FBXO43: variants seen among roughly 807,000 people sequenced by gnomAD.
The protein encoded by FBXO43 is F-box only protein 43.
In FBXO43, 22 loss-of-function variants were observed where a neutral mutation model predicts 56.7. That is an observed-to-expected ratio of 0.39 (90% CI 0.28 to 0.55). The LOEUF (loss-of-function observed/expected upper bound fraction) is 0.55, where lower values mean the gene tolerates loss of function less well. Ranked by LOEUF, FBXO43 falls within the 20% of genes least tolerant of loss-of-function variation. FBXO43 has a pLI of 0.66. For missense variants in FBXO43, 733 were observed against 814.9 expected (o/e 0.90, Z 1.22); for synonymous variants, 306 against 294.5 (o/e 1.04, Z -0.40).
intron 2 of FBXO43, among the ~76,000 whole-genome samples, chr8:100,138,230 C>T (rs1167156653): frequency 1.3e-5 from 2 of 152,118 alleles, no homozygotes; most frequent in Non-Finnish European, 2.9e-5. Flanking sequence ...CCAGTGATTG[C>T]TGATTTATCA....
At position 100,135,309 on chromosome 8, in the gene FBXO43, C is replaced by G. The variant is rs181609670; in HGVS notation, c.1675-945G>C. On this transcript the variant is annotated intron_variant, in intron 3 of 4. Coordinates refer to ENST00000428847, the MANE Select transcript of FBXO43 (RefSeq NM_001029860.4). ...GTAGTGAGAGGTTAGAGAACCTAAT[C>G]CTTCTATAGAAAATAGTAAAGAAAT... Among the ~76,000 whole-genome samples, 5 of 152,076 alleles carry G rather than the reference C, an allele frequency of 3.3e-5. No homozygotes were observed. The East Asian group carries it at 9.7e-4, about 29-fold the overall frequency.
intron 1 of FBXO43, 32 bp from the exon 2 acceptor site, chr8:100,142,200 T>C: frequency 6.6e-7 from 1 of 1,507,520 alleles, no homozygotes; most frequent in South Asian, 1.4e-5. Flanking sequence ...ATTCTGCCTT[T>C]GAAATGAGTA....
chr8:100,144,615 A>C (rs1814761115), intron 1 of FBXO43, among the ~76,000 whole-genome samples: 1 of 149,868 alleles, frequency 6.7e-6, no homozygotes, highest in Non-Finnish European at 1.5e-5. Context: ...CTTATTCCTA[A>C]AGTGTTCTTT....
Position 100,134,274 on chromosome 8 carries a change from G to C in FBXO43, c.1765C>G (p.Pro589Ala). The C allele has an allele frequency of 6.2e-7, 1 of 1,614,140 alleles. No individual in the cohort carries two copies. Among genetic ancestry groups the C allele is most frequent in the Non-Finnish European group, 8.5e-7 (1 of 1,180,034 alleles). ...GACCCTTGCTCTCTCTGAGAACCAG[G>C]TATCCTAGCCTGTGCCTGCACAGAT... The part of the protein sequence containing the change: ...LRSVQAQARI[P>A]GSQREQGSTL... Residue 589 changes from proline to alanine, a missense_variant, in exon 4 of 5, where the codon CCT becomes GCT. By Grantham distance (27) the Pro-to-Ala change is conservative. Coordinates refer to ENST00000428847, the MANE Select transcript of FBXO43 (RefSeq NM_001029860.4).
chr8:100,138,149 C>T (rs1472989211), intron 2 of FBXO43, among the ~76,000 whole-genome samples: 1 of 152,090 alleles, frequency 6.6e-6, no homozygotes, highest in Non-Finnish European at 1.5e-5. Flanking sequence ...ATGGGTCGCA[C>T]CACAGAGTTC....
chr8:100,150,550 G>C (rs185422025), upstream of FBXO43: 1 of 152,340 alleles, frequency 6.6e-6, no homozygotes, highest in Non-Finnish European at 1.5e-5. Flanking sequence ...GCGCCATCCG[G>C]GTTGTCTGGC....
At chr8:100,150,048 C>G (rs949924640), upstream of FBXO43, among the ~76,000 whole-genome samples, 1 of 152,064 alleles carries the variant, frequency 6.6e-6, no homozygotes, top group Non-Finnish European at 1.5e-5. Context: ...ACCAAAATCT[C>G]TTAGATTTAA....
At chr8:100,143,172 G>GA (rs1218618602) in intron 1 of FBXO43, among the ~76,000 whole-genome samples, 1 of 152,108 alleles carries the variant, frequency 6.6e-6, no homozygotes, top group Non-Finnish European at 1.5e-5. Context: ...ATAGTGTTAA[G>GA]AAAAAAATTT....
Position 100,134,376 on chromosome 8 carries a change from G to C in FBXO43, c.1675-12C>G. On this transcript the variant is annotated splice_polypyrimidine_tract_variant and intron_variant, in intron 3 of 4. Coordinates refer to ENST00000428847, the MANE Select transcript of FBXO43 (RefSeq NM_001029860.4). Reference sequence around the variant, plus strand: ...TTTAATACAGCCCCCTGTGGTAAAGGACAAGAGGCATCAATACTGCAATAC... The same window carrying C: ...TTTAATACAGCCCCCTGTGGTAAAGCACAAGAGGCATCAATACTGCAATAC... 6.2e-7 allele frequency: 1 copy of C among 1,611,192 alleles called. No homozygotes were observed. Among genetic ancestry groups the C allele is most frequent in the Non-Finnish European group, 8.5e-7 (1 of 1,178,762 alleles).
chr8:100,146,871 A>G (rs1447500085), upstream of FBXO43, among the ~76,000 whole-genome samples: 1 of 152,194 alleles, frequency 6.6e-6, no homozygotes, highest in Non-Finnish European at 1.5e-5. Context: ...ATTATGAGAC[A>G]GGGTCTCGCT....
Position 100,142,133 on chromosome 8 carries a change from C to CTGAG in FBXO43, c.117_120dup (p.Gly41LeufsTer7). Reference sequence around the variant, plus strand: ...TTTCCTGCTTCAGTGCCAGCTTGACCTGAGTGCCTTTGCGACATCTTCAAA... The same window carrying CTGAG: ...TTTCCTGCTTCAGTGCCAGCTTGACCTGAGTGAGTGCCTTTGCGACATCTTCAAA... On this transcript the variant is annotated frameshift_variant, in exon 2 of 5. Coordinates refer to ENST00000428847, the MANE Select transcript of FBXO43 (RefSeq NM_001029860.4). LOFTEE classifies it high-confidence loss of function. The CTGAG allele has an allele frequency of 1.3e-6, 2 of 1,585,056 alleles. No homozygotes were observed. Among genetic ancestry groups the CTGAG allele is most frequent in the Non-Finnish European group, 1.7e-6 (2 of 1,169,152 alleles).
chr8:100,138,932 A>G (rs936173828), intron 2 of FBXO43, among the ~76,000 whole-genome samples: 1 of 152,204 alleles, frequency 6.6e-6, no homozygotes, highest in Non-Finnish European at 1.5e-5. Flanking sequence ...TAAACAGTTT[A>G]TCGTTTGAAC....
chr8:100,144,824 C>T (rs1221621462), intron 1 of FBXO43, among the ~76,000 whole-genome samples: 3 of 149,504 alleles, frequency 2.0e-5, no homozygotes, highest in Middle Eastern at 3.2e-3. Flanking sequence ...CCCAGCTACT[C>T]GGGAGGCTGA....
In FBXO43 at chr8:100,137,600, T is replaced by G; in HGVS notation, c.1639A>C (p.Lys547Gln). 3 of 1,612,818 alleles carry G rather than the reference T, an allele frequency of 1.9e-6. No homozygotes were observed. Among genetic ancestry groups the G allele is most frequent in the Non-Finnish European group, 2.5e-6 (3 of 1,179,428 alleles). The change falls in exon 3 of 5, where the codon AAA becomes CAA. Residue 547 changes from lysine to glutamine, a missense_variant. Physicochemically the swap from Lys to Gln is moderately conservative, Grantham distance 53 (BLOSUM62 1). Coordinates refer to ENST00000428847, the MANE Select transcript of FBXO43 (RefSeq NM_001029860.4). ...GTTTTCAGTTGTGTGATATAAAATT[T>G]CCTCCTCCGATTTGCATTTTTATCT... ...VQDKNANRRR[K>Q]FYITQLKTDS...
In FBXO43 at chr8:100,133,807, G is replaced by A. The variant is rs751863250; in HGVS notation, c.2122C>T (p.Leu708Phe). The part of the protein sequence containing the change: ...SAQSKRNLKR[L>F] Reference sequence around the variant, plus strand: ...GAGTTCTATATTTAGTCTCTTCAGAGGCGTTTTAAATTCCGCTTACTCTGG... The same window carrying A: ...GAGTTCTATATTTAGTCTCTTCAGAAGCGTTTTAAATTCCGCTTACTCTGG... The change falls in exon 5 of 5, where the codon CTC becomes TTC. Residue 708 changes from leucine (L) to phenylalanine (F), a missense_variant. Transcript: ENST00000428847. The A allele has an allele frequency of 6.2e-7, 1 of 1,613,776 alleles. No individual in the cohort carries two copies. Among genetic ancestry groups the A allele is most frequent in the Non-Finnish European group, 8.5e-7 (1 of 1,179,958 alleles).
rs748812701 is a variant in FBXO43, at chr8:100,134,347, G to A, written c.1692C>T (p.Val564=). Residue 564 remains valine, a synonymous_variant, in exon 4 of 5, where the codon GTC becomes GTT. Coordinates refer to ENST00000428847, the MANE Select transcript of FBXO43 (RefSeq NM_001029860.4). The stretch of plus-strand genomic sequence containing the variant: ...GCTGGAGCCGAGTGGCAGCATCCTC[G>A]ACATTTAATACAGCCCCCTGTGGTA... ...KTDSEGAVLN[V]EDAATRLQLL... The A allele has an allele frequency of 2.1e-5, 34 of 1,613,292 alleles. No homozygotes were observed. Among genetic ancestry groups the A allele is most frequent in the African/African-American group, 1.1e-4 (8 of 74,858 alleles).
At position 100,145,177 on chromosome 8, in the gene FBXO43, C is replaced by T. The variant is rs190807307; in HGVS notation, c.-42G>A. The T allele has an allele frequency of 2.1e-4, 325 of 1,558,532 alleles. No individual in the cohort carries two copies. Among genetic ancestry groups the T allele is most frequent in the Middle Eastern group, 1.0e-3 (6 of 5,964 alleles). ...TTAAAGAGGAAAACTTTAGTTTGCA[C>T]AATTAATTGAAAGGTGCAGCAGCAT... On this transcript the variant is annotated 5_prime_UTR_variant, in exon 1 of 5. In the 5' UTR this introduces an upstream ATG that the reference lacks. Transcript: ENST00000428847.
rs1814798051 is a variant in FBXO43, at chr8:100,145,347, T to C, written c.-212A>G. 6 of 414,516 alleles carry C rather than the reference T, an allele frequency of 1.4e-5. No individual in the cohort carries two copies. The East Asian group carries it at 2.3e-4, about 16-fold the overall frequency. The allele number at this position is 414,516 out of a possible 1,614,324, so 25.7% of individuals were successfully genotyped here. A position where few individuals can be genotyped will look rare whatever the true frequency, so the allele number is the denominator to read the frequency against. ...TATCCTTGTTTTCTCCAGCTGGACTTAGACATGAGTAAACTTCCCAAATTC... is the reference window on the plus strand; with the variant it reads ...TATCCTTGTTTTCTCCAGCTGGACTCAGACATGAGTAAACTTCCCAAATTC... On this transcript the variant is annotated 5_prime_UTR_variant, in exon 1 of 5. Coordinates refer to ENST00000428847, the MANE Select transcript of FBXO43 (RefSeq NM_001029860.4).
In FBXO43 at chr8:100,138,855, T is replaced by G. The variant is rs1367664116; in HGVS notation, c.1572-1188A>C. 7.9e-5 allele frequency among the ~76,000 whole-genome samples: 12 copies of G among 152,112 alleles called. No homozygotes were observed. In the East Asian group the frequency reaches 1.4e-3, roughly 17 times the overall value. ...GAGTTTGAGACCAGCCTGGGCAATG[T>G]AGTAAGACCCCATCCATACCAAAAA... is the stretch of plus-strand genomic sequence containing the variant. On this transcript the variant is annotated intron_variant, in intron 2 of 4. Coordinates refer to ENST00000428847, the MANE Select transcript of FBXO43 (RefSeq NM_001029860.4).
Sources: gnomAD v4.1 joint callset for allele counts (sites outside exome capture counted in the v4.1 genomes callset) on GRCh38, gnomAD v4.1.1 for gene constraint, MANE v1.5 for transcripts, NCBI Gene and HGNC (gene_info 2026-07-23, HGNC 2026-07-21) for gene names.